ZNF514: variants seen among roughly 807,000 people sequenced by gnomAD.
The protein encoded by ZNF514 is zinc finger protein 514.
ZNF514 carries 12 observed loss-of-function variants against 9.7 expected under a neutral mutation model. The observed-to-expected ratio is 1.24, with a 90% CI of 0.79 to 2.01. The LOEUF is 2.01. ZNF514 is among the 30% of genes most tolerant of loss of function. The probability of loss-of-function intolerance (pLI) is 0.00; values close to 1 mark genes in which losing one functional copy is unlikely to be tolerated. For missense variants in ZNF514, 467 were observed against 465.5 expected (o/e 1.00, Z -0.03); for synonymous variants, 158 against 163.7 (o/e 0.97, Z 0.27).
In ZNF514 at chr2:95,153,205, GC is replaced by G. The variant is rs1334394818; in HGVS notation, c.48del (p.Gln17SerfsTer2). ...AGGTCCTTCTGAGCAGGGTTCAGCT[GC>G]CCCCACTCCCACTGGCTGAATTCCA... ...VAVEFSQWEW[G>X]QLNPAQKDLY... is the part of the protein sequence containing the mutation. On this transcript the variant is annotated frameshift_variant, in exon 3 of 5. Coordinates refer to ENST00000295208, the MANE Select transcript of ZNF514 (RefSeq NM_032788.3). LOFTEE classifies it high-confidence loss of function. 6.2e-7 allele frequency: 1 copy of G among 1,613,982 alleles called. No individual in the cohort carries two copies. The highest frequency in any genetic ancestry group is 1.7e-5 in the Admixed American group (1 of 60,028).
At chr2:95,158,357 G>A (rs1673743224) in intron 1 of ZNF514, among the ~76,000 whole-genome samples, 1 of 152,246 alleles carries the variant, frequency 6.6e-6, no homozygotes, top group African/African-American at 2.4e-5. Flanking sequence ...CCTTGAGCAT[G>A]TGCACTGAAG....
At chr2:95,137,989 T>C in the ZNF514 span, among the ~76,000 whole-genome samples, 2 of 152,156 alleles carry the variant, frequency 1.3e-5, no homozygotes, top group Admixed American at 6.5e-5. Context: ...CTCACTCCTG[T>C]TTTCACCATG....
chr2:95,131,920 ATCGCT>A, the ZNF514 span, among the ~76,000 whole-genome samples: 2 of 152,102 alleles, frequency 1.3e-5, no homozygotes, highest in Non-Finnish European at 2.9e-5. Context: ...AGGAGGGTGG[ATCGCT>A]TACGGTCAGG....
chr2:95,159,840 G>C lies in ZNF514; in HGVS notation c.-696C>G, dbSNP rs1415232617. On this transcript the variant is annotated 5_prime_UTR_variant, in exon 1 of 5. Transcript: ENST00000295208. Reference sequence around the variant, plus strand: ...AGCGCCGGTGGCGGGGTGCTGGCGCGGCGAAGCTGGAGAGGCGGGGCTCGC... The same window carrying C: ...AGCGCCGGTGGCGGGGTGCTGGCGCCGCGAAGCTGGAGAGGCGGGGCTCGC... Among the ~76,000 whole-genome samples, 1 of 151,928 alleles carries C rather than the reference G, an allele frequency of 6.6e-6. No homozygotes were observed. The highest frequency in any genetic ancestry group is 2.4e-5 in the African/African-American group (1 of 41,430).
At chr2:95,125,257 C>A in the ZNF514 span, among the ~76,000 whole-genome samples, 2 of 128,032 alleles carry the variant, frequency 1.6e-5, no homozygotes, top group East Asian at 4.7e-4. Context: ...GAGACGGAGT[C>A]TCGCGTCGCG....
At chr2:95,126,431 A>G in the ZNF514 span, among the ~76,000 whole-genome samples, 1 of 151,746 alleles carries the variant, frequency 6.6e-6, no homozygotes, top group African/African-American at 2.4e-5. Flanking sequence ...AAAGAAAGAA[A>G]CTGCCAAACT....
chr2:95,126,484 T>A, the ZNF514 span, among the ~76,000 whole-genome samples: 18 of 151,252 alleles, frequency 1.2e-4, no homozygotes, highest in African/African-American at 4.4e-4. Context: ...CTGCCAGCAA[T>A]ATGTGAAAGA....
chr2:95,150,513 CAAGGT>C (rs560445402), intron 4 of ZNF514, among the ~76,000 whole-genome samples: 140 of 152,000 alleles, frequency 9.2e-4, no homozygotes, highest in African/African-American at 3.3e-3. Context: ...TTCCAGTACA[CAAGGT>C]AAGTCCAAAG....
At chr2:95,152,861 A>G (rs1011152192) in intron 3 of ZNF514, 92 bp from the exon 4 acceptor site, 1 of 1,226,904 alleles carries the variant, frequency 8.2e-7, no homozygotes, top group Non-Finnish European at 1.2e-6. Flanking sequence ...TACTGTAGGC[A>G]TGGAAAGCCT....
At chr2:95,123,352 C>A in the ZNF514 span, among the ~76,000 whole-genome samples, 2 of 152,216 alleles carry the variant, frequency 1.3e-5, no homozygotes, top group African/African-American at 2.4e-5. Context: ...GACCATCCAG[C>A]CAAGTCATTA....
the ZNF514 span, among the ~76,000 whole-genome samples, chr2:95,126,623 C>T: frequency 2.0e-5 from 3 of 152,032 alleles, no homozygotes; most frequent in African/African-American, 7.2e-5. Context: ...TGTTGAATTT[C>T]TTTTCATGTG....
At chr2:95,143,247 C>G (rs1389696732), downstream of ZNF514, among the ~76,000 whole-genome samples, 1 of 152,212 alleles carries the variant, frequency 6.6e-6, no homozygotes, top group Non-Finnish European at 1.5e-5. Flanking sequence ...AAGTCCTTGA[C>G]AGTCTTAGTG....
At chr2:95,139,915 G>A in the ZNF514 span, among the ~76,000 whole-genome samples, 1 of 152,110 alleles carries the variant, frequency 6.6e-6, no homozygotes, top group Non-Finnish European at 1.5e-5. Flanking sequence ...GTGCTTACAA[G>A]ATCTGGTCAT....
chr2:95,129,326 A>T, the ZNF514 span, among the ~76,000 whole-genome samples: 1 of 152,212 alleles, frequency 6.6e-6, no homozygotes, highest in Non-Finnish European at 1.5e-5. Context: ...AAAAGAGTCC[A>T]TGGCACTTGA....
At chr2:95,132,834 C>T in the ZNF514 span, among the ~76,000 whole-genome samples, 1 of 127,670 alleles carries the variant, frequency 7.8e-6, no homozygotes, top group Non-Finnish European at 1.6e-5. Flanking sequence ...TGCCACTGCA[C>T]TTCAGCTTGG....
the ZNF514 span, among the ~76,000 whole-genome samples, chr2:95,123,782 TAA>T: frequency 6.6e-6 from 1 of 152,248 alleles, no homozygotes; most frequent in Non-Finnish European, 1.5e-5. Flanking sequence ...ATGAGCAGCT[TAA>T]ACTGCATGGT....
the ZNF514 span, among the ~76,000 whole-genome samples, chr2:95,135,116 A>G: frequency 2.0e-5 from 3 of 152,168 alleles, no homozygotes; most frequent in African/African-American, 7.2e-5. Context: ...CAACTTTTCA[A>G]TTTCTACAAA....
the ZNF514 span, among the ~76,000 whole-genome samples, chr2:95,134,534 T>C: frequency 6.6e-6 from 1 of 152,174 alleles, no homozygotes; most frequent in Non-Finnish European, 1.5e-5. Context: ...TTTTAGTATA[T>C]TCACAGGACT....
the ZNF514 span, among the ~76,000 whole-genome samples, chr2:95,139,571 C>T: frequency 3.3e-5 from 5 of 151,326 alleles, no homozygotes; most frequent in African/African-American, 1.2e-4. Context: ...AATGCCTATA[C>T]ACCCCTTGTA....
Sources: allele counts gnomAD v4.1 joint callset (sites outside exome capture counted in the v4.1 genomes callset), GRCh38; gene constraint gnomAD v4.1.1; transcripts MANE v1.5; gene names NCBI Gene and HGNC (gene_info 2026-07-23, HGNC 2026-07-21).